SND1: variants seen among roughly 807,000 people sequenced by gnomAD.
The protein encoded by SND1 is staphylococcal nuclease and tudor domain containing 1.
In SND1, 38 loss-of-function variants were observed where a neutral mutation model predicts 121.7. The ratio of observed to expected loss-of-function variants is 0.31; its 90% CI spans 0.24 to 0.41. The LOEUF is 0.41. Ranked by LOEUF, SND1 falls within the 10% of genes least tolerant of loss-of-function variation. The pLI, the probability that SND1 is intolerant of heterozygous loss-of-function variation, is 1.00. For missense variants in SND1, 868 were observed against 1,184.6 expected (o/e 0.73, Z 3.92); for synonymous variants, 401 against 447.4 (o/e 0.90, Z 1.31).
In SND1 at chr7:127,686,735, A is replaced by G. The variant is rs770730821; in HGVS notation, c.201A>G (p.Gln67=). 3 of 1,614,052 alleles carry G rather than the reference A, an allele frequency of 1.9e-6. No individual in the cohort carries two copies. Among genetic ancestry groups the G allele is most frequent in the African/African-American group, 1.3e-5 (1 of 74,938 alleles). The change falls in exon 2 of 24, where the codon CAA becomes CAG. Residue 67 remains glutamine (Q), a synonymous_variant. Coordinates refer to ENST00000354725, the MANE Select transcript of SND1 (RefSeq NM_014390.4). ...TTGCTCGCCGGGCAGCCGCCACACA[A>G]CCTGATGCAAAGGATACCCCTGATG... The part of the protein sequence containing the change: ...GNLARRAAAT[Q]PDAKDTPDEP...
intron 14 of SND1, among the ~76,000 whole-genome samples, chr7:127,914,763 G>A (rs1419019912): frequency 6.6e-6 from 1 of 152,178 alleles, no homozygotes; most frequent in Non-Finnish European, 1.5e-5. Flanking sequence ...TATAGTGGCA[G>A]TATGGGGTCA....
chr7:127,976,600 A>G (rs1802126407), intron 15 of SND1, among the ~76,000 whole-genome samples: 1 of 152,204 alleles, frequency 6.6e-6, no homozygotes, highest in African/African-American at 2.4e-5. Context: ...CATGTCTGCA[A>G]TGTTGCATCA....
intron 15 of SND1, among the ~76,000 whole-genome samples, chr7:127,988,012 C>T (rs1426023219): frequency 6.6e-6 from 1 of 152,212 alleles, no homozygotes; most frequent in African/African-American, 2.4e-5. Context: ...AATAATTGCA[C>T]TGGCAGAATC....
chr7:127,828,248 C>T (rs1444128447), intron 11 of SND1, among the ~76,000 whole-genome samples: 4 of 152,118 alleles, frequency 2.6e-5, no homozygotes, highest in African/African-American at 9.7e-5. Flanking sequence ...CTGCCTGCCT[C>T]AGCCTCCCAA....
At chr7:127,860,540 G>GC (rs1420360901) in intron 12 of SND1, among the ~76,000 whole-genome samples, 28 of 152,222 alleles carry the variant, frequency 1.8e-4, no homozygotes, top group African/African-American at 6.8e-4. Context: ...TAGTTGAATT[G>GC]CTTGTCTGAG....
At chr7:127,964,570 A>T (rs1424889684) in intron 15 of SND1, among the ~76,000 whole-genome samples, 2 of 151,860 alleles carry the variant, frequency 1.3e-5, no homozygotes, top group Non-Finnish European at 2.9e-5. Flanking sequence ...GTTGTAGGTA[A>T]GCGGCGTTAT....
intron 15 of SND1, among the ~76,000 whole-genome samples, chr7:127,945,828 G>A (rs1331703812): frequency 6.6e-6 from 1 of 152,182 alleles, no homozygotes; most frequent in Non-Finnish European, 1.5e-5. Context: ...GTCCTGTGAG[G>A]CAGGCACCAT....
chr7:128,013,658 G>T (rs550507816), intron 16 of SND1, among the ~76,000 whole-genome samples: 1 of 152,170 alleles, frequency 6.6e-6, no homozygotes, highest in Non-Finnish European at 1.5e-5. Flanking sequence ...TCAGGCATTA[G>T]ATTCGCATAA....
At chr7:127,825,703 G>A (rs1192384951) in intron 11 of SND1, among the ~76,000 whole-genome samples, 1 of 152,076 alleles carries the variant, frequency 6.6e-6, no homozygotes, top group Non-Finnish European at 1.5e-5. Context: ...ACCGCACCTG[G>A]CCAGAACATA....
At chr7:127,973,367 G>A (rs961224437) in intron 15 of SND1, among the ~76,000 whole-genome samples, 13 of 152,174 alleles carry the variant, frequency 8.5e-5, no homozygotes, top group African/African-American at 3.1e-4. Flanking sequence ...ATTGCCTAGG[G>A]ACTGGATTTG....
At chr7:127,687,990 C>T (rs1324860019) in intron 2 of SND1, among the ~76,000 whole-genome samples, 2 of 152,100 alleles carry the variant, frequency 1.3e-5, no homozygotes, top group African/African-American at 4.8e-5. Context: ...TGGCCTATTC[C>T]AGATTCTTAA....
chr7:127,793,564 G>A (rs1305379086), intron 10 of SND1, among the ~76,000 whole-genome samples: 5 of 152,140 alleles, frequency 3.3e-5, no homozygotes, highest in Non-Finnish European at 7.4e-5. Context: ...GGGTTTCATT[G>A]TCACAACGCA....
At chr7:128,049,449 G>A (rs1793008572) in intron 16 of SND1, among the ~76,000 whole-genome samples, 1 of 152,104 alleles carries the variant, frequency 6.6e-6, no homozygotes, top group African/African-American at 2.4e-5. Flanking sequence ...CTCTTCAGGT[G>A]CCATTCTGAC....
intron 9 of SND1, among the ~76,000 whole-genome samples, chr7:127,715,094 G>A (rs941614407): frequency 1.3e-5 from 2 of 151,752 alleles, no homozygotes; most frequent in African/African-American, 2.4e-5. Context: ...ATTTTACATC[G>A]GTGCACGAGG....
intron 13 of SND1, among the ~76,000 whole-genome samples, chr7:127,895,912 C>G (rs1179217913): frequency 1.3e-5 from 2 of 152,060 alleles, no homozygotes; most frequent in Non-Finnish European, 2.9e-5. Context: ...TTCCTTCTGA[C>G]ATAACTCATG....
chr7:127,943,521 A>G (rs1801262885), intron 15 of SND1, among the ~76,000 whole-genome samples: 1 of 152,182 alleles, frequency 6.6e-6, no homozygotes, highest in South Asian at 2.1e-4. Context: ...CTCCAGACAT[A>G]GGCCTTTGTG....
intron 15 of SND1, among the ~76,000 whole-genome samples, chr7:127,947,337 A>G (rs1047369144): frequency 6.6e-6 from 1 of 152,202 alleles, no homozygotes; most frequent in African/African-American, 2.4e-5. Context: ...TGAGTTTTTC[A>G]TGCTGCCCCT....
At chr7:127,674,824 T>A (rs1021736877) in intron 1 of SND1, among the ~76,000 whole-genome samples, 2 of 152,260 alleles carry the variant, frequency 1.3e-5, no homozygotes, top group Non-Finnish European at 2.9e-5. Flanking sequence ...TTTAATGTGC[T>A]TTTCGTATTT....
chr7:127,788,633 C>G lies in SND1; in HGVS notation c.1153-18851C>G, dbSNP rs542810560. 8.5e-4 allele frequency among the ~76,000 whole-genome samples: 130 copies of G among 152,326 alleles called. 1 individual carries two copies. The Middle Eastern group carries it at 0.031, about 36-fold the overall frequency. On this transcript the variant is annotated intron_variant, in intron 10 of 23. Coordinates refer to ENST00000354725, the MANE Select transcript of SND1 (RefSeq NM_014390.4). The stretch of plus-strand genomic sequence containing the variant: ...TAAAATCTGACTGAAACTGCTCTTG[C>G]TGAACTTCCAGTGGGCATGTTTTGG...
Sources: allele counts gnomAD v4.1 joint callset (sites outside exome capture counted in the v4.1 genomes callset), GRCh38; gene constraint gnomAD v4.1.1; transcripts MANE v1.5; gene names NCBI Gene and HGNC (gene_info 2026-07-23, HGNC 2026-07-21).